The following ZNF541 variants were observed in gnomAD, a reference collection of about 807,000 sequenced individuals.
ZNF541 encodes zinc finger protein 541.
In ZNF541, 23 loss-of-function variants were observed where a neutral mutation model predicts 123.5. The ratio of observed to expected loss-of-function variants is 0.19; its 90% CI spans 0.13 to 0.26. The LOEUF is 0.26. Among genes scored for constraint, ZNF541 ranks in the 10% least tolerant of loss-of-function variants. The probability of loss-of-function intolerance (pLI) is 1.00; values close to 1 mark genes in which losing one functional copy is unlikely to be tolerated. For missense variants in ZNF541, 1,612 were observed against 1,789.9 expected (o/e 0.90, Z 1.79); for synonymous variants, 751 against 754.5 (o/e 1.00, Z 0.08).
intron 11 of ZNF541, 135 bp from the exon 12 acceptor site, chr19:47,531,880 G>A (rs1239674004): frequency 1.9e-5 from 18 of 931,582 alleles, no homozygotes; most frequent in East Asian, 5.3e-5. Flanking sequence ...GGGACAAGGA[G>A]GAAGAGCAGA....
At chr19:47,549,634 G>C in intron 3 of ZNF541, 149 bp from the exon 4 acceptor site, 1 of 1,308,324 alleles carries the variant, frequency 7.6e-7, no homozygotes, top group South Asian at 1.5e-5. Flanking sequence ...CAAGGTTCAG[G>C]AGCAGGTGAG....
intron 8 of ZNF541, among the ~76,000 whole-genome samples, chr19:47,539,343 A>C (rs1969975779): frequency 1.5e-5 from 2 of 135,604 alleles, no homozygotes; most frequent in African/African-American, 2.8e-5. Context: ...TCTGTTACCC[A>C]GGCTAGAGTG....
At chr19:47,554,925 C>T (rs1379168260) in intron 3 of ZNF541, among the ~76,000 whole-genome samples, 1 of 151,970 alleles carries the variant, frequency 6.6e-6, no homozygotes, top group Non-Finnish European at 1.5e-5. Context: ...GAAACCCCAT[C>T]TCTACTAAAA....
intron 8 of ZNF541, among the ~76,000 whole-genome samples, chr19:47,539,245 T>C (rs1254293724): frequency 6.6e-6 from 1 of 151,794 alleles, no homozygotes; most frequent in Non-Finnish European, 1.5e-5. Context: ...GCTCAGTGAA[T>C]GCTGAATGAC....
chr19:47,544,927 G>C lies in ZNF541; in HGVS notation c.1602C>G (p.Ala534=). The C allele has an allele frequency of 6.5e-7, 1 of 1,535,832 alleles. No individual in the cohort carries two copies. The highest frequency in any genetic ancestry group is 8.7e-7 in the Non-Finnish European group (1 of 1,146,768). ...GGAAGAGCTGGCGGAAGAGCGGCGA[G>C]GCATCCGCAGGGAGCCCGCCTGCCT... is the stretch of plus-strand genomic sequence containing the variant. The part of the protein sequence containing the change: ...AQKAGGLPAD[A]SPLFRQLFLK... Residue 534 remains alanine (A), a synonymous_variant, in exon 5 of 17, where the codon GCC becomes GCG. Transcript: ENST00000391901.
chr19:47,548,167 G>T (rs138713781), intron 4 of ZNF541, among the ~76,000 whole-genome samples: 2,914 of 150,988 alleles, frequency 0.019, 44 homozygotes, highest in Middle Eastern at 0.058. Context: ...AGCTGGGGCC[G>T]GGTGCGGTGG....
At chr19:47,533,359 C>CAAAAAAAA (rs57243927) in intron 9 of ZNF541, among the ~76,000 whole-genome samples, 1 of 18,756 alleles carries the variant, frequency 5.3e-5, no homozygotes, top group Non-Finnish European at 9.3e-5. Context: ...GACTCCATCT[C>CAAAAAAAA]AAAAAAAAAA....
intron 2 of ZNF541, among the ~76,000 whole-genome samples, chr19:47,563,577 T>G (rs1317149169): frequency 1.3e-5 from 2 of 152,128 alleles, no homozygotes; most frequent in East Asian, 3.8e-4. Context: ...TCCCCCTGCA[T>G]CTCCCAATAA....
Position 47,544,977 on chromosome 19 carries a change from C to T in ZNF541, c.1552G>A (p.Glu518Lys). Residue 518 changes from glutamate (E) to lysine (K), a missense_variant, in exon 5 of 17, where the codon GAG becomes AAG. By Grantham distance (56) the Glu-to-Lys change is moderately conservative. Coordinates refer to ENST00000391901, the MANE Select transcript of ZNF541 (RefSeq NM_001277075.3). ...TTCTGGGCCTCCTGGAGGCCGGGCT[C>T]CCCGGGGTTCTGGCACAGGAAGGAG... The part of the protein sequence containing the change: ...CDSFLCQNPG[E>K]PGLQEAQKAG... 1 of 1,531,370 alleles carries T rather than the reference C, an allele frequency of 6.5e-7. No individual in the cohort carries two copies. The highest frequency in any genetic ancestry group is 8.7e-7 in the Non-Finnish European group (1 of 1,144,840). 94.9% of individuals were successfully genotyped at this position (1,531,370 alleles called of 1,614,324 possible).
intron 4 of ZNF541, among the ~76,000 whole-genome samples, chr19:47,547,746 T>C (rs1024807253): frequency 6.6e-6 from 1 of 152,148 alleles, no homozygotes; most frequent in Non-Finnish European, 1.5e-5. Context: ...TTGAAAAACA[T>C]GTGTCTTTCT....
rs928893029 is a variant in ZNF541, at chr19:47,544,913, C to T, written c.1616G>A (p.Arg539His). ...GLPADASPLF[R>H]QLFLKSQEPL... ...TTCCTGCGACTTGAGGAAGAGCTGG[C>T]GGAAGAGCGGCGAGGCATCCGCAGG... The change falls in exon 5 of 17, where the codon CGC becomes CAC. Residue 539 changes from arginine to histidine, a missense_variant. Coordinates refer to ENST00000391901, the MANE Select transcript of ZNF541 (RefSeq NM_001277075.3). The T allele has an allele frequency of 8.5e-6, 13 of 1,535,742 alleles. No homozygotes were observed. Among genetic ancestry groups the T allele is most frequent in the Non-Finnish European group, 7.0e-6 (8 of 1,146,688 alleles).
intron 2 of ZNF541, among the ~76,000 whole-genome samples, chr19:47,570,291 A>C (rs1971428554): frequency 6.9e-6 from 1 of 145,738 alleles, no homozygotes; most frequent in Non-Finnish European, 1.5e-5. Flanking sequence ...AAAAAAGTCC[A>C]TTTTGGCTGG....
In ZNF541 at chr19:47,521,989, C is replaced by T. The variant is rs960896271; in HGVS notation, c.3576G>A (p.Gln1192=). The change falls in exon 15 of 17, where the codon CAG becomes CAA. Residue 1192 remains glutamine (Q), a synonymous_variant. Transcript: ENST00000391901. This position sits in a 1 kb window ranked among gnomAD's most constrained non-coding sequence, Gnocchi z 4.2. ...CAACGCACTGAGCTACCGTCTTTGT[C>T]TGGATCTAGTGAAAGAAAACAAGCA... The part of the protein sequence containing the change: ...KDFYLIHKMI[Q]TKTVAQCVEY... 9.0e-6 allele frequency: 14 copies of T among 1,551,988 alleles called. No homozygotes were observed. In the Middle Eastern group the frequency reaches 5.0e-4, roughly 56 times the overall value.
At chr19:47,537,418 G>C (rs1410641972) in intron 9 of ZNF541, among the ~76,000 whole-genome samples, 1 of 151,248 alleles carries the variant, frequency 6.6e-6, no homozygotes, top group Admixed American at 6.6e-5. Context: ...ACAAAAATTA[G>C]CCAGGCATGA....
chr19:47,548,615 T>G (rs1444569154), intron 4 of ZNF541, among the ~76,000 whole-genome samples: 1 of 152,132 alleles, frequency 6.6e-6, no homozygotes, highest in African/African-American at 2.4e-5. Flanking sequence ...CTCTATAAAG[T>G]TAGCCCAACT....
intron 2 of ZNF541, among the ~76,000 whole-genome samples, chr19:47,563,735 A>T (rs970943820): frequency 2.0e-5 from 3 of 152,014 alleles, no homozygotes; most frequent in African/African-American, 7.2e-5. Flanking sequence ...GCCTCCCAGT[A>T]CCTGGGATTA....
At chr19:47,527,379 T>A (rs1268751532) in intron 14 of ZNF541, among the ~76,000 whole-genome samples, 1 of 152,300 alleles carries the variant, frequency 6.6e-6, no homozygotes, top group Non-Finnish European at 1.5e-5. Context: ...GGACATTATA[T>A]GCAGTGAGAT....
At chr19:47,547,501 C>T (rs1487098224) in intron 4 of ZNF541, among the ~76,000 whole-genome samples, 2 of 152,108 alleles carry the variant, frequency 1.3e-5, no homozygotes, top group Non-Finnish European at 2.9e-5. Context: ...AAGTCTTTCC[C>T]CAAAGGCTCA....
chr19:47,538,618 G>T, intron 8 of ZNF541, 179 bp from the exon 9 acceptor site: 1 of 598,526 alleles, frequency 1.7e-6, no homozygotes, highest in Non-Finnish European at 2.8e-6. Flanking sequence ...GCCTGGCGAT[G>T]ATCCGGCTGC....
Sources: allele counts gnomAD v4.1 joint callset (sites outside exome capture counted in the v4.1 genomes callset), GRCh38; gene constraint gnomAD v4.1.1; non-coding constraint Gnocchi (gnomAD v3.1); transcripts MANE v1.5; gene names NCBI Gene and HGNC (gene_info 2026-07-23, HGNC 2026-07-21).